The following GRM5 variants were observed in gnomAD, a reference collection of about 807,000 sequenced individuals.
The protein encoded by GRM5 is glutamate metabotropic receptor 5.
In GRM5, 19 loss-of-function variants were observed where a neutral mutation model predicts 83.1. The observed-to-expected ratio is 0.23, with a 90% CI of 0.16 to 0.34. The LOEUF (loss-of-function observed/expected upper bound fraction) is 0.34, where lower values mean the gene tolerates loss of function less well. Among genes scored for constraint, GRM5 ranks in the 10% least tolerant of loss-of-function variants. The pLI is 1.00. For missense variants in GRM5, 1,160 were observed against 1,588.3 expected (o/e 0.73, Z 4.58); for synonymous variants, 675 against 633.6 (o/e 1.07, Z -0.98).
Position 88,604,802 on chromosome 11 carries a change from A to C in GRM5, c.1310T>G (p.Leu437Arg), listed in dbSNP as rs564107722. ...DAMKPIDGRK[L>R]LESLMKTNFT... ...ATTGGTTTTCATCAGGGACTCCAAA[A>C]GTTTCCGTCCATCAATTGGCTTCAT... The change falls in exon 5 of 10, where the codon CTT becomes CGT. Residue 437 changes from leucine to arginine, a missense_variant. Coordinates refer to ENST00000305447, the MANE Select transcript of GRM5 (RefSeq NM_001143831.3). 6.2e-7 allele frequency: 1 copy of C among 1,613,482 alleles called. No homozygotes were observed. The highest frequency in any genetic ancestry group is 1.7e-5 in the Admixed American group (1 of 60,008).
intron 2 of GRM5, among the ~76,000 whole-genome samples, chr11:88,919,050 T>C (rs1033288587): frequency 6.7e-6 from 1 of 149,442 alleles, no homozygotes; most frequent in Non-Finnish European, 1.5e-5. Flanking sequence ...TATTTATCAA[T>C]AATAACATTA....
chr11:88,829,863 G>A (rs17184781), intron 3 of GRM5, among the ~76,000 whole-genome samples: 32,329 of 151,862 alleles, frequency 0.21, 4,289 homozygotes, highest in Non-Finnish European at 0.3. Flanking sequence ...AGCAAAAAAC[G>A]GCAAATTTAG....
intron 3 of GRM5, among the ~76,000 whole-genome samples, chr11:88,845,533 G>GC (rs1339062302): frequency 7.0e-6 from 1 of 142,212 alleles, no homozygotes. Context: ...TCCCGGGTTT[G>GC]CGCCATTCTC....
At chr11:88,751,761 G>A (rs1002893492) in intron 3 of GRM5, among the ~76,000 whole-genome samples, 5 of 152,084 alleles carry the variant, frequency 3.3e-5, no homozygotes, top group African/African-American at 1.2e-4. Flanking sequence ...CCATAATCGA[G>A]TTCGCTTCAT....
intron 3 of GRM5, among the ~76,000 whole-genome samples, chr11:88,848,454 A>T (rs1313119767): frequency 6.6e-6 from 1 of 152,214 alleles, no homozygotes; most frequent in Non-Finnish European, 1.5e-5. Context: ...ATTTCCCTTA[A>T]TAAGCCATCA....
intron 3 of GRM5, among the ~76,000 whole-genome samples, chr11:88,813,230 T>C (rs2135499741): frequency 6.6e-6 from 1 of 152,298 alleles, no homozygotes; most frequent in South Asian, 2.1e-4. Context: ...TTCCAACAAG[T>C]TGCTGACATT....
intron 9 of GRM5, among the ~76,000 whole-genome samples, chr11:88,519,553 C>A (rs567578094): frequency 9.2e-5 from 14 of 152,200 alleles, no homozygotes; most frequent in African/African-American, 3.4e-4. Flanking sequence ...GCAGATAAAG[C>A]ATTTGACACA....
chr11:88,703,090 C>A (rs1037058130), intron 3 of GRM5, among the ~76,000 whole-genome samples: 9 of 151,720 alleles, frequency 5.9e-5, no homozygotes, highest in Admixed American at 2.6e-4. Flanking sequence ...ATGGGCAATC[C>A]AAAATGAAGA....
intron 2 of GRM5, among the ~76,000 whole-genome samples, chr11:88,935,309 A>G (rs1414462245): frequency 6.6e-6 from 1 of 151,680 alleles, no homozygotes; most frequent in Non-Finnish European, 1.5e-5. Context: ...AGAATAGTGA[A>G]GAAAGATCAC....
intron 3 of GRM5, among the ~76,000 whole-genome samples, chr11:88,736,254 T>C (rs1252819395): frequency 6.6e-6 from 1 of 152,110 alleles, no homozygotes; most frequent in African/African-American, 2.4e-5. Context: ...GGATGCCTAA[T>C]GTTTACATGA....
At chr11:88,637,661 G>T (rs1939171180) in intron 4 of GRM5, among the ~76,000 whole-genome samples, 2 of 147,156 alleles carry the variant, frequency 1.4e-5, no homozygotes, top group Middle Eastern at 3.5e-3. Context: ...AACAACAGGT[G>T]CTGGAGAGGA....
intron 7 of GRM5, among the ~76,000 whole-genome samples, chr11:88,584,707 G>A (rs1458114068): frequency 2.6e-5 from 4 of 152,124 alleles, no homozygotes; most frequent in Non-Finnish European, 5.9e-5. Context: ...GCCTCCCAAA[G>A]TGTTGAGATT....
intron 2 of GRM5, among the ~76,000 whole-genome samples, chr11:88,945,399 C>A (rs1028068640): frequency 6.6e-6 from 1 of 151,750 alleles, no homozygotes; most frequent in Non-Finnish European, 1.5e-5. Flanking sequence ...TGTAATGTAG[C>A]ATTCATATGG....
chr11:88,959,217 T>C (rs906911031), intron 2 of GRM5, among the ~76,000 whole-genome samples: 12 of 152,138 alleles, frequency 7.9e-5, no homozygotes, highest in African/African-American at 2.7e-4. Context: ...GTAAACAATT[T>C]AAATTTTAGT....
chr11:89,006,580 T>C (rs1162315909), intron 2 of GRM5, among the ~76,000 whole-genome samples: 1 of 152,208 alleles, frequency 6.6e-6, no homozygotes, highest in Non-Finnish European at 1.5e-5. Flanking sequence ...TAACAGATCA[T>C]TCATGATTTG....
At chr11:89,029,947 TA>T (rs545050739) in intron 2 of GRM5, among the ~76,000 whole-genome samples, 98 of 152,290 alleles carry the variant, frequency 6.4e-4, no homozygotes, top group Middle Eastern at 3.4e-3. Context: ...CACAACATTT[TA>T]TTTTTTACTA....
intron 3 of GRM5, among the ~76,000 whole-genome samples, chr11:88,771,142 G>A (rs1371335256): frequency 6.6e-6 from 1 of 152,060 alleles, no homozygotes; most frequent in African/African-American, 2.4e-5. Flanking sequence ...GTCGAGTATG[G>A]TAGCTTCTAG....
chr11:89,030,174 C>A (rs1002166624), intron 2 of GRM5, among the ~76,000 whole-genome samples: 1 of 152,142 alleles, frequency 6.6e-6, no homozygotes, highest in Non-Finnish European at 1.5e-5. Context: ...CCCTAATGTA[C>A]TTCCTAAATG....
intron 5 of GRM5, among the ~76,000 whole-genome samples, chr11:88,602,524 T>C (rs1427982429): frequency 6.6e-6 from 1 of 152,158 alleles, no homozygotes; most frequent in Non-Finnish European, 1.5e-5. Context: ...CCAGGATCCT[T>C]TGCTTTCTCA....
Sources: allele counts gnomAD v4.1 joint callset (sites outside exome capture counted in the v4.1 genomes callset), GRCh38; gene constraint gnomAD v4.1.1; transcripts MANE v1.5; gene names NCBI Gene and HGNC (gene_info 2026-07-23, HGNC 2026-07-21).